The following ANO3 variants were observed in gnomAD, a reference collection of about 807,000 sequenced individuals.
ANO3 encodes the protein anoctamin-3.
ANO3 carries 99 observed loss-of-function variants against 144.8 expected under a neutral mutation model. The ratio of observed to expected loss-of-function variants is 0.68; its 90% CI spans 0.58 to 0.81. The LOEUF is 0.81. Ranked by LOEUF, ANO3 falls within the 30% of genes least tolerant of loss-of-function variation. ANO3 has a pLI of 0.00. For missense variants in ANO3, 905 were observed against 1,202.2 expected, an observed-to-expected ratio of 0.75 and a Z score of 3.66; for synonymous variants, 414 against 392.6, an observed-to-expected ratio of 1.05 and a Z score of -0.64.
At chr11:26,436,965 T>C (rs999313302) in intron 1 of ANO3, among the ~76,000 whole-genome samples, 1 of 151,966 alleles carries the variant, frequency 6.6e-6, no homozygotes, top group Admixed American at 6.6e-5. Context: ...CCTAATCACC[T>C]TGGATTCCCC....
At chr11:26,603,066 T>C (rs1257265314) in intron 17 of ANO3, among the ~76,000 whole-genome samples, 1 of 152,180 alleles carries the variant, frequency 6.6e-6, no homozygotes, top group East Asian at 1.9e-4. Flanking sequence ...TAAAAAATTT[T>C]AAATAAAAAG....
chr11:26,528,130 T>G (rs1849212371), intron 7 of ANO3, among the ~76,000 whole-genome samples: 1 of 152,188 alleles, frequency 6.6e-6, no homozygotes, highest in African/African-American at 2.4e-5. Context: ...TGTATTAGAT[T>G]ACACTGGTGG....
At chr11:26,589,975 G>C (rs1448623400) in intron 14 of ANO3, among the ~76,000 whole-genome samples, 2 of 152,178 alleles carry the variant, frequency 1.3e-5, no homozygotes, top group Admixed American at 6.5e-5. Flanking sequence ...CCAAAGGATT[G>C]TGTAAGAGAA....
At chr11:26,407,076 G>A (rs113726935) in intron 1 of ANO3, among the ~76,000 whole-genome samples, 62,876 of 99,200 alleles carry the variant, frequency 0.63, 21,579 homozygotes, top group Non-Finnish European at 0.76. Flanking sequence ...GTGTGTGTGT[G>A]TATATATATA....
chr11:26,512,030 A>G (rs1457779485), intron 5 of ANO3, among the ~76,000 whole-genome samples: 1 of 152,228 alleles, frequency 6.6e-6, no homozygotes, highest in African/African-American at 2.4e-5. Flanking sequence ...TAAGCAGGTT[A>G]GTATCATGAT....
intron 1 of ANO3, among the ~76,000 whole-genome samples, chr11:26,238,974 T>C (rs945724702): frequency 4.0e-5 from 6 of 151,038 alleles, no homozygotes; most frequent in Non-Finnish European, 7.4e-5. Flanking sequence ...TATTAATGTA[T>C]GTTCCTTTTT....
intron 1 of ANO3, among the ~76,000 whole-genome samples, chr11:26,313,963 T>C (rs578260844): frequency 1.3e-5 from 2 of 151,878 alleles, no homozygotes; most frequent in African/African-American, 4.8e-5. Flanking sequence ...AGGGTTTTTC[T>C]CAACATGAAA....
At chr11:26,277,685 T>G (rs1853588656) in intron 1 of ANO3, among the ~76,000 whole-genome samples, 1 of 151,964 alleles carries the variant, frequency 6.6e-6, no homozygotes, top group South Asian at 2.1e-4. Flanking sequence ...TTCTTTCTTT[T>G]CTCTTTAGGA....
chr11:26,415,218 A>G (rs897768786), intron 1 of ANO3, among the ~76,000 whole-genome samples: 4 of 152,046 alleles, frequency 2.6e-5, no homozygotes, highest in African/African-American at 7.2e-5. Context: ...AAAAAATGCC[A>G]TATATTAGAC....
chr11:26,461,158 G>A (rs923020615), intron 3 of ANO3, among the ~76,000 whole-genome samples: 2 of 152,086 alleles, frequency 1.3e-5, no homozygotes. Flanking sequence ...AGGAAGGAAA[G>A]GGGGAGAAAG....
chr11:26,429,278 A>T (rs967357552), intron 1 of ANO3, among the ~76,000 whole-genome samples: 2 of 152,162 alleles, frequency 1.3e-5, no homozygotes, highest in Non-Finnish European at 2.9e-5. Context: ...AACACACTGG[A>T]ACCAGAAAGC....
chr11:26,438,829 A>G (rs527320462), intron 1 of ANO3, among the ~76,000 whole-genome samples: 1 of 152,090 alleles, frequency 6.6e-6, no homozygotes, highest in African/African-American at 2.4e-5. Flanking sequence ...TGAATTGACA[A>G]GTTGATCCTT....
Position 26,346,455 on chromosome 11 carries a change from C to G in ANO3, c.46+14134C>G, listed in dbSNP as rs369344986. Among the ~76,000 whole-genome samples, 22 of 152,316 alleles carry G rather than the reference C, an allele frequency of 1.4e-4. No homozygotes were observed. The South Asian group carries it at 4.4e-3, about 30-fold the overall frequency. On this transcript the variant is annotated intron_variant, in intron 1 of 26. Coordinates refer to ENST00000256737, the MANE Select transcript of ANO3 (RefSeq NM_031418.4). ...ACAATCTCTACTTGTTTTACCATCT[C>G]AAAAAGACTCTCATTGCATGCTATT...
At chr11:26,423,279 G>T (rs1237279092) in intron 1 of ANO3, among the ~76,000 whole-genome samples, 1 of 144,436 alleles carries the variant, frequency 6.9e-6, no homozygotes, top group Non-Finnish European at 1.5e-5. Context: ...CTTGTGGGTG[G>T]TTTTATAATA....
In ANO3 at chr11:26,595,460, GTTTT is replaced by G. The variant is rs201712393; in HGVS notation, c.1448-2881_1448-2878del. Among the ~76,000 whole-genome samples, 6 of 101,384 alleles carry G rather than the reference GTTTT, an allele frequency of 5.9e-5. No homozygotes were observed. The South Asian group carries it at 9.9e-4, about 17-fold the overall frequency. The allele number at this position is 101,384 out of a possible 152,430, so 66.5% of individuals were successfully genotyped here. On this transcript the variant is annotated intron_variant, in intron 14 of 26. Transcript: ENST00000256737. ...TTTGACTCAGTATTGAGATAGAGTTGTTTTTTTTTTTTTTTTTTTTTTTTTTTAT... is the reference window on the plus strand; with the variant it reads ...TTTGACTCAGTATTGAGATAGAGTTGTTTTTTTTTTTTTTTTTTTTTTTAT...
At position 26,643,477 on chromosome 11, in the gene ANO3, C is replaced by T. The variant is rs546371958; in HGVS notation, c.2428+143C>T. On this transcript the variant is annotated intron_variant, in intron 23 of 26. Coordinates refer to ENST00000256737, the MANE Select transcript of ANO3 (RefSeq NM_031418.4). The stretch of plus-strand genomic sequence containing the variant: ...GCCTTTAAGAAGTGATTAAGCTGGC[C>T]GGGCGTGGTGGCTCACTCCTGTAAT... 40 of 1,043,264 alleles carry T rather than the reference C, an allele frequency of 3.8e-5. No homozygotes were observed. In the East Asian group the frequency reaches 5.2e-4, roughly 13 times the overall value. 64.6% of individuals were successfully genotyped at this position (1,043,264 alleles called of 1,614,324 possible). A position where few individuals can be genotyped will look rare whatever the true frequency, so the allele number is the denominator to read the frequency against.
At chr11:26,604,726 G>T (rs1316699896) in intron 17 of ANO3, among the ~76,000 whole-genome samples, 1 of 151,886 alleles carries the variant, frequency 6.6e-6, no homozygotes, top group Non-Finnish European at 1.5e-5. Flanking sequence ...TCTATTGATG[G>T]TATGTATAGG....
chr11:26,407,416 G>A (rs1315164579), intron 1 of ANO3, among the ~76,000 whole-genome samples: 1 of 151,558 alleles, frequency 6.6e-6, no homozygotes, highest in Non-Finnish European at 1.5e-5. Context: ...ACATATTCTA[G>A]TACTGACAGC....
Position 26,642,695 on chromosome 11 carries a change from G to A in ANO3, c.2276-487G>A, listed in dbSNP as rs369657079. 3.2e-4 allele frequency among the ~76,000 whole-genome samples: 49 copies of A among 152,100 alleles called. 1 individual carries two copies. The East Asian group carries it at 8.3e-3, about 26-fold the overall frequency. On this transcript the variant is annotated intron_variant, in intron 22 of 26. Coordinates refer to ENST00000256737, the MANE Select transcript of ANO3 (RefSeq NM_031418.4). ...TTAAGAAACCTACCATTCTACTCAC[G>A]CAAAGCAATAATTATTTTTCACAAT...
Sources: gnomAD v4.1 joint callset for allele counts (sites outside exome capture counted in the v4.1 genomes callset) on GRCh38, gnomAD v4.1.1 for gene constraint, MANE v1.5 for transcripts, NCBI Gene and HGNC (gene_info 2026-07-23, HGNC 2026-07-21) for gene names.